KPNA7: variants seen among roughly 807,000 people sequenced by gnomAD.
KPNA7 encodes importin subunit alpha-8.
Under a neutral mutation model 53.7 loss-of-function variants are expected in KPNA7, and 54 were observed. That is an observed-to-expected ratio of 1.01 (90% CI 0.81 to 1.26). KPNA7 has a LOEUF of 1.26. Among genes scored for constraint, KPNA7 ranks in the 50% most tolerant of loss-of-function variants. KPNA7 has a pLI of 0.00. For missense variants in KPNA7, 640 were observed against 644.5 expected (o/e 0.99, Z 0.07); for synonymous variants, 276 against 259.3 (o/e 1.06, Z -0.62).
chr7:99,190,767 C>T (rs981624356), intron 6 of KPNA7, among the ~76,000 whole-genome samples: 1 of 151,830 alleles, frequency 6.6e-6, no homozygotes, highest in Non-Finnish European at 1.5e-5. Context: ...CTCGCCTTGC[C>T]TTCCCAAGTA....
chr7:99,175,282 A>G (rs1260605957), intron 10 of KPNA7, among the ~76,000 whole-genome samples: 1 of 151,940 alleles, frequency 6.6e-6, no homozygotes, highest in Non-Finnish European at 1.5e-5. Flanking sequence ...AACTCAAGCA[A>G]TCCTCCCACT....
chr7:99,166,614 C>G, the KPNA7 span, among the ~76,000 whole-genome samples: 1 of 151,694 alleles, frequency 6.6e-6, no homozygotes, highest in Non-Finnish European at 1.5e-5. Context: ...CGTGCCCGGC[C>G]TTTCTATTTT....
At chr7:99,187,795 TTTTTAAAAAAAAAAAAAAAAAA>T (rs1419682480) in intron 7 of KPNA7, among the ~76,000 whole-genome samples, 154 of 24,818 alleles carry the variant, frequency 6.2e-3, no homozygotes, top group African/African-American at 0.012. Flanking sequence ...CCGGCCTTTT[TTTTTAAAAAAAAAAAAAAAAAA>T]AAAAAAAAAA....
chr7:99,182,113 A>C (rs776601192), intron 8 of KPNA7, 48 bp from the exon 9 acceptor site: 16 of 1,404,392 alleles, frequency 1.1e-5, no homozygotes, highest in Non-Finnish European at 1.5e-5. Context: ...CAAGAACCTA[A>C]ATAGAGGACA....
chr7:99,197,827 T>C (rs903417401), intron 3 of KPNA7, among the ~76,000 whole-genome samples: 1 of 152,154 alleles, frequency 6.6e-6, no homozygotes, highest in Non-Finnish European at 1.5e-5. Flanking sequence ...AATTGACAGA[T>C]CTTTAGAGAT....
rs866514749 is a variant in KPNA7 at position 99,181,061 on chromosome 7, G to C, written c.1317+822C>G. Among the ~76,000 whole-genome samples the C allele has an allele frequency of 1.4e-3, 6 of 4,326 alleles. 1 individual carries two copies. Among genetic ancestry groups the C allele is most frequent in the African/African-American group, 4.3e-3 (6 of 1,386 alleles). 2.8% of individuals were successfully genotyped at this position (4,326 alleles called of 152,430 possible). ...TGTCTCTCTCTCTCTCTCCGTCTGT[G>C]TCTCTCTCTCCATCTGTGTCTCTCT... is the stretch of plus-strand genomic sequence containing the variant. On this transcript the variant is annotated intron_variant, in intron 9 of 10. Coordinates refer to ENST00000327442, the MANE Select transcript of KPNA7 (RefSeq NM_001145715.3).
At chr7:99,167,813 C>A in the KPNA7 span, among the ~76,000 whole-genome samples, 3 of 151,684 alleles carry the variant, frequency 2.0e-5, no homozygotes, top group Admixed American at 1.3e-4. Flanking sequence ...GATGATCTGT[C>A]ACTATCTCCC....
chr7:99,194,930 T>C, intron 5 of KPNA7, 140 bp downstream of exon 5: 1 of 1,071,916 alleles, frequency 9.3e-7, no homozygotes, highest in East Asian at 2.6e-5. Flanking sequence ...AAACAGCTCA[T>C]TGTACCCTTG....
chr7:99,204,375 AAATCTCTCTCTCTCTC>A (rs1233556750), intron 2 of KPNA7, among the ~76,000 whole-genome samples: 1 of 149,164 alleles, frequency 6.7e-6, no homozygotes, highest in African/African-American at 2.5e-5. Flanking sequence ...CTGCCTCTAC[AAATCTCTCTCTCTCTC>A]AATCTCTCTC....
Position 99,178,086 on chromosome 7 carries a change from G to A in KPNA7, c.1318-20C>T, listed in dbSNP as rs2150701102. The A allele has an allele frequency of 1.3e-6, 2 of 1,549,034 alleles. No individual in the cohort carries two copies. Among genetic ancestry groups the A allele is most frequent in the South Asian group, 1.2e-5 (1 of 83,524 alleles). On this transcript the variant is annotated intron_variant, in intron 9 of 10. Coordinates refer to ENST00000327442, the MANE Select transcript of KPNA7 (RefSeq NM_001145715.3). ...TGCCGCCTGTGACCAAGTACAAGGG[G>A]ACATGAGACCCCCGGCAGGAGCCTT...
intron 9 of KPNA7, among the ~76,000 whole-genome samples, chr7:99,180,446 G>A (rs1252174967): frequency 6.6e-6 from 1 of 151,968 alleles, no homozygotes; most frequent in Non-Finnish European, 1.5e-5. Context: ...AGGCTGCAGT[G>A]AGCGAGGATC....
intron 6 of KPNA7, among the ~76,000 whole-genome samples, chr7:99,188,874 G>A (rs1789780765): frequency 6.6e-6 from 1 of 152,076 alleles, no homozygotes; most frequent in Non-Finnish European, 1.5e-5. Flanking sequence ...TAGAGATGGG[G>A]TTTCACCATG....
At chr7:99,218,026 G>A (rs1791256750) in intron 1 of KPNA7, among the ~76,000 whole-genome samples, 1 of 151,972 alleles carries the variant, frequency 6.6e-6, no homozygotes, top group South Asian at 2.1e-4. Context: ...TGAGAAAGAG[G>A]GGCCAGAGGG....
downstream of KPNA7, among the ~76,000 whole-genome samples, chr7:99,171,145 G>A (rs1266881171): frequency 3.3e-5 from 5 of 152,116 alleles, no homozygotes; most frequent in Non-Finnish European, 5.9e-5. Context: ...GCTTGAACCC[G>A]GGAGGTGGAG....
the KPNA7 span, among the ~76,000 whole-genome samples, chr7:99,148,803 G>T: frequency 3.7e-4 from 55 of 149,856 alleles, no homozygotes; most frequent in Non-Finnish European, 7.2e-4. Context: ...CACTCTGTCG[G>T]CCAGGCTAGT....
the KPNA7 span, among the ~76,000 whole-genome samples, chr7:99,147,841 C>A: frequency 6.5e-4 from 98 of 151,460 alleles, no homozygotes; most frequent in African/African-American, 2.0e-3. Flanking sequence ...CATAACGAGA[C>A]CCCCATCTCT....
intron 10 of KPNA7, 54 bp downstream of exon 10, chr7:99,177,866 A>G: frequency 6.5e-7 from 1 of 1,536,860 alleles, no homozygotes; most frequent in South Asian, 1.2e-5. Context: ...GACCCTCTGC[A>G]GAGCTGCCCC....
At chr7:99,188,227 A>G in intron 7 of KPNA7, 73 bp downstream of exon 7, 1 of 1,439,988 alleles carries the variant, frequency 6.9e-7, no homozygotes. Context: ...CAGATGACAA[A>G]CCTTGCCCCA....
At chr7:99,166,025 T>C in the KPNA7 span, among the ~76,000 whole-genome samples, 1 of 152,154 alleles carries the variant, frequency 6.6e-6, no homozygotes, top group South Asian at 2.1e-4. Flanking sequence ...TTCTCTCTCT[T>C]CCTTCTGCTC....
Sources: allele counts gnomAD v4.1 joint callset (sites outside exome capture counted in the v4.1 genomes callset), GRCh38; gene constraint gnomAD v4.1.1; transcripts MANE v1.5; gene names NCBI Gene and HGNC (gene_info 2026-07-23, HGNC 2026-07-21).